MAP4K4: variants seen among roughly 807,000 people sequenced by gnomAD.
The protein encoded by MAP4K4 is mitogen-activated protein kinase kinase kinase kinase 4.
MAP4K4 carries 38 observed loss-of-function variants against 189.6 expected under a neutral mutation model. That is an observed-to-expected ratio of 0.20 (90% CI 0.15 to 0.26). MAP4K4 has a LOEUF of 0.26. Ranked by LOEUF, MAP4K4 falls within the 10% of genes least tolerant of loss-of-function variation. The pLI is 1.00. For synonymous variants in MAP4K4, 610 were observed against 624.3 expected, an observed-to-expected ratio of 0.98 and a Z score of 0.34; for missense variants, 1,054 against 1,726.9, an observed-to-expected ratio of 0.61 and a Z score of 6.91.
At chr2:101,856,968 C>T (rs1004203952) in intron 13 of MAP4K4, among the ~76,000 whole-genome samples, 7 of 152,332 alleles carry the variant, frequency 4.6e-5, no homozygotes, top group East Asian at 1.9e-4. Context: ...GCATGCTCCT[C>T]GGTGTTTTCC....
intron 2 of MAP4K4, among the ~76,000 whole-genome samples, chr2:101,718,603 T>TGGGGGGGG (rs1331634336): frequency 3.5e-4 from 1 of 2,890 alleles, no homozygotes; most frequent in African/African-American, 1.3e-3. Context: ...GGGTGGGGGA[T>TGGGGGGGG]GGGGGGTGGG....
At chr2:101,698,635 C>A in intron 2 of MAP4K4, 97 bp downstream of exon 2, 1 of 1,168,408 alleles carries the variant, frequency 8.6e-7, no homozygotes, top group Non-Finnish European at 1.3e-6. Flanking sequence ...CTGGAGGCCA[C>A]GCCGCTTGGC....
chr2:101,840,405 C>T (rs1332683962), intron 10 of MAP4K4, among the ~76,000 whole-genome samples: 1 of 152,132 alleles, frequency 6.6e-6, no homozygotes, highest in Non-Finnish European at 1.5e-5. Context: ...TTTTACTGCT[C>T]TACTCTATTA....
intron 12 of MAP4K4, among the ~76,000 whole-genome samples, chr2:101,850,320 A>G (rs2097242840): frequency 6.6e-6 from 1 of 152,242 alleles, no homozygotes; most frequent in Non-Finnish European, 1.5e-5. Flanking sequence ...AAATGGGATT[A>G]GTATTGATAT....
intron 28 of MAP4K4, among the ~76,000 whole-genome samples, chr2:101,884,569 A>T (rs899204095): frequency 5.9e-5 from 9 of 152,192 alleles, no homozygotes; most frequent in African/African-American, 2.2e-4. Flanking sequence ...AGTCACAGGT[A>T]CTCAAGGACC....
chr2:101,803,245 A>ATGATGTGTGTGTGTGTG (rs1553484242), intron 3 of MAP4K4, among the ~76,000 whole-genome samples: 1 of 150,244 alleles, frequency 6.7e-6, no homozygotes, highest in African/African-American at 2.5e-5. Flanking sequence ...GATGATGATG[A>ATGATGTGTGTGTGTGTG]TGTGTGTGTG....
intron 2 of MAP4K4, among the ~76,000 whole-genome samples, chr2:101,757,312 T>C (rs964825952): frequency 3.3e-5 from 5 of 152,214 alleles, no homozygotes; most frequent in African/African-American, 1.2e-4. Flanking sequence ...GTTTTAGAAA[T>C]AGCATATATA....
At chr2:101,845,653 T>C (rs2097083348) in intron 12 of MAP4K4, among the ~76,000 whole-genome samples, 1 of 152,220 alleles carries the variant, frequency 6.6e-6, no homozygotes, top group East Asian at 1.9e-4. Context: ...AAATATGATA[T>C]TATAATTTTA....
chr2:101,698,296 G>T (rs1573639312), intron 1 of MAP4K4, among the ~76,000 whole-genome samples, 159 bp downstream of exon 1: 1 of 150,224 alleles, frequency 6.7e-6, no homozygotes, highest in Non-Finnish European at 1.5e-5. Context: ...CGGGGCGGGC[G>T]CTACCCTCTA....
chr2:101,861,645 T>C (rs374926499), intron 16 of MAP4K4: 11 of 152,280 alleles, frequency 7.2e-5, no homozygotes, highest in East Asian at 3.9e-4. Context: ...AGGGGAACTG[T>C]TGGGCCGATG....
chr2:101,763,647 A>T (rs1457738857), intron 2 of MAP4K4, among the ~76,000 whole-genome samples: 1 of 152,200 alleles, frequency 6.6e-6, no homozygotes, highest in Non-Finnish European at 1.5e-5. Flanking sequence ...ATATGCCAGG[A>T]GTGCTGGCAC....
exon 19 of MAP4K4, chr2:101,866,481 C>A (rs758022791): frequency 1.9e-6 from 3 of 1,613,784 alleles, no homozygotes; most frequent in Middle Eastern, 3.3e-4. Context: ...GTGCCCAGAC[C>A]TGGCAGTGGC....
chr2:101,791,585 C>G (rs1313155853), intron 3 of MAP4K4, among the ~76,000 whole-genome samples: 1 of 152,192 alleles, frequency 6.6e-6, no homozygotes, highest in Non-Finnish European at 1.5e-5. Context: ...AAAGAGTTCA[C>G]TAGCAGCATT....
Position 101,859,759 on chromosome 2 carries a change from G to A in MAP4K4, c.1599G>A (p.Pro533=), listed in dbSNP as rs55844421. The change falls in exon 15 of 33, where the codon CCG becomes CCA. Residue 533 remains proline (P), a synonymous_variant. Transcript: ENST00000324219. ...AGCATGACCATAGGAGGCCGCACCC[G>A]CAGCACTCGCAGCAGCCGCCACCAC... The A allele has an allele frequency of 4.2e-3, 6,800 of 1,610,014 alleles. 24 individuals carry two copies. The highest frequency in any genetic ancestry group is 5.4e-3 in the Non-Finnish European group (6,333 of 1,178,496).
intron 2 of MAP4K4, among the ~76,000 whole-genome samples, chr2:101,790,335 GTTTC>G (rs1231184025): frequency 6.6e-6 from 1 of 151,806 alleles, no homozygotes; most frequent in African/African-American, 2.4e-5. Flanking sequence ...GAAAAAAAAA[GTTTC>G]TTTGAGATAG....
At chr2:101,788,097 C>T (rs1162064455) in intron 2 of MAP4K4, among the ~76,000 whole-genome samples, 1 of 151,364 alleles carries the variant, frequency 6.6e-6, no homozygotes, top group African/African-American at 2.4e-5. Context: ...AGCCACTTCA[C>T]CTGGCCTTTT....
At chr2:101,751,755 G>A (rs1433720332) in intron 2 of MAP4K4, among the ~76,000 whole-genome samples, 3 of 152,162 alleles carry the variant, frequency 2.0e-5, no homozygotes, top group Non-Finnish European at 4.4e-5. Context: ...GTAGGGGCTC[G>A]ACTACAGACA....
In MAP4K4 at chr2:101,859,634, C is replaced by G; in HGVS notation, c.1483-9C>G. The G allele has an allele frequency of 6.3e-7, 1 of 1,588,170 alleles. No individual in the cohort carries two copies. The highest frequency in any genetic ancestry group is 2.3e-5 in the East Asian group (1 of 44,240). On this transcript the variant is annotated splice_polypyrimidine_tract_variant and intron_variant, in intron 14 of 32. Coordinates refer to ENST00000324219, the Ensembl canonical transcript of MAP4K4. ...CCATAGATTTAGTGTTATCCTCTCC[C>G]TCTCCAAGGAGTGCCGATGGCGGGA...
intron 6 of MAP4K4, among the ~76,000 whole-genome samples, chr2:101,831,298 A>G (rs1251088275): frequency 6.6e-6 from 1 of 152,190 alleles, no homozygotes; most frequent in Non-Finnish European, 1.5e-5. Context: ...ACTTTCGTGA[A>G]ATTCTTATCT....
Sources: gnomAD v4.1 joint callset for allele counts (sites outside exome capture counted in the v4.1 genomes callset) on GRCh38, gnomAD v4.1.1 for gene constraint, MANE v1.5 for transcripts, NCBI Gene and HGNC (gene_info 2026-07-23, HGNC 2026-07-21) for gene names.